The following MARCHF11 variants were observed in gnomAD, a reference collection of about 807,000 sequenced individuals.
MARCHF11 encodes the protein membrane associated ring-CH-type finger 11, also known as E3 ubiquitin-protein ligase MARCHF11.
In MARCHF11, 29 loss-of-function variants were observed where a neutral mutation model predicts 37.3. That is an observed-to-expected ratio of 0.78 (90% confidence interval 0.58 to 1.06). MARCHF11 has a LOEUF of 1.06. Among genes scored for constraint, MARCHF11 ranks in the 50% least tolerant of loss-of-function variants. The probability of loss-of-function intolerance (pLI) is 0.00; values close to 1 mark genes in which losing one functional copy is unlikely to be tolerated. For synonymous variants in MARCHF11, 233 were observed against 228.0 expected (o/e 1.02, Z -0.20); for missense variants, 482 against 533.4 (o/e 0.90, Z 0.95).
chr5:16,135,748 TTTATTTGGAACAC>T (rs1022191233), intron 2 of MARCHF11, among the ~76,000 whole-genome samples: 62 of 151,682 alleles, frequency 4.1e-4, no homozygotes, highest in African/African-American at 1.5e-3. Flanking sequence ...CATACATAGC[TTTATTTGGAACAC>T]TTATTTGGAA....
chr5:16,152,976 C>T (rs1737911823), intron 2 of MARCHF11, among the ~76,000 whole-genome samples: 1 of 151,978 alleles, frequency 6.6e-6, no homozygotes, highest in Admixed American at 6.6e-5. Flanking sequence ...TTCAACTTCC[C>T]TTATTGATGC....
At chr5:16,135,388 T>C (rs1737591072) in intron 2 of MARCHF11, among the ~76,000 whole-genome samples, 3 of 152,060 alleles carry the variant, frequency 2.0e-5, no homozygotes, top group Non-Finnish European at 4.4e-5. Flanking sequence ...AAGTACATTA[T>C]TGAAACCAAA....
rs530951975 is a variant in MARCHF11 at position 16,072,786 on chromosome 5, T to C, written c.887-4993A>G. On this transcript the variant is annotated intron_variant, in intron 3 of 3. Coordinates refer to ENST00000332432, the MANE Select transcript of MARCHF11 (RefSeq NM_001102562.3). The stretch of plus-strand genomic sequence containing the variant: ...GGGAGGGCTGGGGGTGAGTGTGGCT[T>C]CCCAGGCAAAGCTCTCATCATCTAC... Among the ~76,000 whole-genome samples the C allele has an allele frequency of 3.3e-5, 5 of 152,184 alleles. No individual in the cohort carries two copies. In the East Asian group the frequency reaches 9.7e-4, roughly 29 times the overall value.
intron 2 of MARCHF11, among the ~76,000 whole-genome samples, chr5:16,168,387 T>C (rs1032403873): frequency 6.6e-6 from 1 of 152,096 alleles, no homozygotes; most frequent in African/African-American, 2.4e-5. Flanking sequence ...CTGGCACAGT[T>C]AGTTGTAATC....
rs141714981 is a variant in MARCHF11, at chr5:16,117,357, C to T, written c.694-26276G>A. Among the ~76,000 whole-genome samples the T allele has an allele frequency of 2.6e-4, 39 of 152,322 alleles. No homozygotes were observed. In the East Asian group the frequency reaches 5.4e-3, roughly 21 times the overall value. On this transcript the variant is annotated intron_variant, in intron 2 of 3. Coordinates refer to ENST00000332432, the MANE Select transcript of MARCHF11 (RefSeq NM_001102562.3). ...TATCCATTCGGCATGTTTTCACTAACCTTTTACAGCCATCTGATAAAATGG... is the reference window on the plus strand; with the variant it reads ...TATCCATTCGGCATGTTTTCACTAATCTTTTACAGCCATCTGATAAAATGG...
rs150629390 is a variant in MARCHF11 at position 16,099,333 on chromosome 5, T to C, written c.694-8252A>G. ...ATATATTTAGTGTTTCAAATTTTTATAGAATCATTATAACCCATAAAAGAG... is the reference window on the plus strand; with the variant it reads ...ATATATTTAGTGTTTCAAATTTTTACAGAATCATTATAACCCATAAAAGAG... On this transcript the variant is annotated intron_variant, in intron 2 of 3. Transcript: ENST00000332432. Among the ~76,000 whole-genome samples the C allele has an allele frequency of 1.3e-3, 196 of 152,336 alleles. 4 individuals are homozygous for C. Among genetic ancestry groups the C allele is most frequent in the African/African-American group, 4.4e-3 (184 of 41,590 alleles).
intron 2 of MARCHF11, among the ~76,000 whole-genome samples, chr5:16,152,353 G>C (rs1221214926): frequency 6.6e-6 from 1 of 151,918 alleles, no homozygotes; most frequent in Non-Finnish European, 1.5e-5. Context: ...TACAACACAT[G>C]TTCTAAGTAT....
chr5:16,086,851 T>C (rs1258076718), intron 3 of MARCHF11, among the ~76,000 whole-genome samples: 1 of 152,232 alleles, frequency 6.6e-6, no homozygotes, highest in Non-Finnish European at 1.5e-5. Flanking sequence ...ATGGAAATGA[T>C]GGTCTTCTAT....
Position 16,067,584 on chromosome 5 carries a change from T to C in MARCHF11, c.1096A>G (p.Arg366Gly), listed in dbSNP as rs920514237. The C allele has an allele frequency of 2.5e-6, 4 of 1,613,864 alleles. No homozygotes were observed. The African/African-American group carries it at 5.3e-5, about 22-fold the overall frequency. Residue 366 changes from arginine to glycine, a missense_variant, in exon 4 of 4, where the codon AGG becomes GGG. Transcript: ENST00000332432. The part of the protein sequence containing the change: ...LVHPTQLTSP[R>G]FQCGYVLLHL... ...AATAACACATAGCCACACTGAAACC[T>C]TGGTGAGGTTAACTGAGTTGGGTGG...
intron 2 of MARCHF11, chr5:16,141,692 T>C (rs776209519): frequency 4.7e-4 from 72 of 152,244 alleles, no homozygotes; most frequent in Non-Finnish European, 7.5e-4. Context: ...AAGTAAATTG[T>C]TGTTTTTAAA....
intron 2 of MARCHF11, among the ~76,000 whole-genome samples, chr5:16,142,966 C>T (rs1332189840): frequency 1.4e-5 from 2 of 147,292 alleles, no homozygotes; most frequent in Non-Finnish European, 3.0e-5. Flanking sequence ...TCTTGAACTC[C>T]CGACCTCAGG....
chr5:16,095,249 A>T (rs1489389980), intron 2 of MARCHF11, among the ~76,000 whole-genome samples: 1 of 152,178 alleles, frequency 6.6e-6, no homozygotes, highest in Non-Finnish European at 1.5e-5. Flanking sequence ...CCTGCTCCTC[A>T]GAGTAATTCC....
chr5:16,146,134 T>C (rs1737791386), intron 2 of MARCHF11, among the ~76,000 whole-genome samples: 1 of 152,216 alleles, frequency 6.6e-6, no homozygotes, highest in African/African-American at 2.4e-5. Context: ...TGAGACATCA[T>C]GTCAACCTCT....
intron 2 of MARCHF11, among the ~76,000 whole-genome samples, chr5:16,101,811 CCTT>C (rs1199744625): frequency 2.0e-5 from 3 of 152,218 alleles, no homozygotes; most frequent in Admixed American, 6.5e-5. Flanking sequence ...AAAGCAATGA[CCTT>C]CTCACTTGAA....
In MARCHF11 at chr5:16,179,093, G is replaced by C. The variant is rs1235146484; in HGVS notation, c.483C>G (p.His161Gln). ...AGATGGGCTGGTGGTGCTGGTGCTG[G>C]TGCCCAGCGCGCTGGTCGCCGCCGC... is the stretch of plus-strand genomic sequence containing the variant. ...SSGGGDQRAG[H>Q]QHQHHQPICK... Residue 161 changes from histidine (H) to glutamine (Q), a missense_variant, in exon 1 of 4, where the codon CAC becomes CAG. Physicochemically the swap from His to Gln is conservative, Grantham distance 24 (BLOSUM62 0). Transcript: ENST00000332432. 2.0e-6 allele frequency: 3 copies of C among 1,495,854 alleles called. No individual in the cohort carries two copies. The highest frequency in any genetic ancestry group is 2.7e-6 in the Non-Finnish European group (3 of 1,129,246). The allele number at this position is 1,495,854 out of a possible 1,614,324, so 92.7% of individuals were successfully genotyped here.
At chr5:16,097,522 C>T (rs1213599295) in intron 2 of MARCHF11, among the ~76,000 whole-genome samples, 1 of 152,144 alleles carries the variant, frequency 6.6e-6, no homozygotes, top group Non-Finnish European at 1.5e-5. Context: ...AATATAATAA[C>T]TGATTCTAAA....
Position 16,179,385 on chromosome 5 carries a change from C to T in MARCHF11, c.191G>A (p.Gly64Glu), listed in dbSNP as rs1738428703. 11 of 1,154,600 alleles carry T rather than the reference C, an allele frequency of 9.5e-6. No individual in the cohort carries two copies. Among genetic ancestry groups the T allele is most frequent in the South Asian group, 4.2e-5 (1 of 23,658 alleles). 71.5% of individuals were successfully genotyped at this position (1,154,600 alleles called of 1,614,324 possible). Residue 64 changes from glycine (G) to glutamate (E), a missense_variant, in exon 1 of 4, where the codon GGG becomes GAG. Gly to Glu is a moderately conservative substitution (Grantham distance 98). Coordinates refer to ENST00000332432, the MANE Select transcript of MARCHF11 (RefSeq NM_001102562.3). ...ASPETPERAAGPSEPLGEVAP... is the reference protein window; with the variant it reads ...ASPETPERAAEPSEPLGEVAP... Reference sequence around the variant, plus strand: ...CACCTCCCCTAGCGGCTCGCTTGGCCCCGCGGCGCGCTCGGGGGTCTCGGG... The same window carrying T: ...CACCTCCCCTAGCGGCTCGCTTGGCTCCGCGGCGCGCTCGGGGGTCTCGGG...
chr5:16,114,853 T>C (rs772508764), intron 2 of MARCHF11, among the ~76,000 whole-genome samples: 5 of 152,228 alleles, frequency 3.3e-5, no homozygotes, highest in African/African-American at 7.2e-5. Context: ...GAATGAAATA[T>C]AGTATAGTTT....
Position 16,079,336 on chromosome 5 carries a change from G to A in MARCHF11, c.887-11543C>T, listed in dbSNP as rs74411427. Among the ~76,000 whole-genome samples, 55 of 152,192 alleles carry A rather than the reference G, an allele frequency of 3.6e-4. 1 individual carries two copies. Among genetic ancestry groups the A allele is most frequent in the African/African-American group, 1.3e-3 (53 of 41,526 alleles). The stretch of plus-strand genomic sequence containing the variant: ...CCTAAAGACTTTGAGGCCCTAGACC[G>A]CATGATCTTTTCCCAATGCACCACC... On this transcript the variant is annotated intron_variant, in intron 3 of 3. Transcript: ENST00000332432.
Sources: gnomAD v4.1 joint callset for allele counts (sites outside exome capture counted in the v4.1 genomes callset) on GRCh38, gnomAD v4.1.1 for gene constraint, MANE v1.5 for transcripts, NCBI Gene and HGNC (gene_info 2026-07-23, HGNC 2026-07-21) for gene names.